NCK2: variants seen among roughly 807,000 people sequenced by gnomAD.
NCK2 encodes the protein NCK adaptor protein 2.
Under a neutral mutation model 33.9 loss-of-function variants are expected in NCK2, and 16 were observed. The observed-to-expected ratio is 0.47, with a 90% CI of 0.32 to 0.72. The LOEUF is 0.72. NCK2 is among the 30% of genes least tolerant of loss of function. The pLI, the probability that NCK2 is intolerant of heterozygous loss-of-function variation, is 0.03. For synonymous variants in NCK2, 273 were observed against 239.9 expected (o/e 1.14, Z -1.27); for missense variants, 418 against 537.3 (o/e 0.78, Z 2.19).
intron 3 of NCK2, among the ~76,000 whole-genome samples, chr2:105,861,199 A>T (rs1677516083): frequency 6.6e-6 from 1 of 152,206 alleles, no homozygotes; most frequent in Non-Finnish European, 1.5e-5. Flanking sequence ...ATGGAGTCTG[A>T]TTTTAGATTT....
chr2:105,810,338 G>A (rs1252955310), intron 1 of NCK2, among the ~76,000 whole-genome samples: 42 of 152,078 alleles, frequency 2.8e-4, no homozygotes, highest in Admixed American at 2.6e-3. Flanking sequence ...GAGAGCGAGC[G>A]AGCAAGCACA....
chr2:105,825,923 C>G (rs142608765), intron 2 of NCK2, among the ~76,000 whole-genome samples: 2,003 of 152,214 alleles, frequency 0.013, 43 homozygotes, highest in African/African-American at 0.045. Flanking sequence ...GTTCCTGGCT[C>G]CATTAGATCT....
intron 3 of NCK2, among the ~76,000 whole-genome samples, chr2:105,865,516 G>A (rs1055159347): frequency 2.6e-5 from 4 of 152,158 alleles, no homozygotes; most frequent in African/African-American, 7.2e-5. Flanking sequence ...CCACCCACAC[G>A]ACTGTTGAGG....
intron 2 of NCK2, among the ~76,000 whole-genome samples, chr2:105,827,372 C>G (rs1558857664): frequency 6.6e-6 from 1 of 152,142 alleles, no homozygotes; most frequent in Non-Finnish European, 1.5e-5. Flanking sequence ...GCTAGAACTA[C>G]AAGGAGAAAC....
chr2:105,746,860 T>C (rs1403162393), intron 1 of NCK2, among the ~76,000 whole-genome samples: 3 of 152,168 alleles, frequency 2.0e-5, no homozygotes, highest in Non-Finnish European at 4.4e-5. Context: ...GAGGCTGAAA[T>C]GGAGAACTTT....
rs67123338 is a variant in NCK2, at chr2:105,844,747, G to GATATATAT, written c.-16-10286_-16-10279dup. 3.1e-3 allele frequency among the ~76,000 whole-genome samples: 411 copies of GATATATAT among 133,588 alleles called. 4 individuals carry two copies. Among genetic ancestry groups the GATATATAT allele is most frequent in the African/African-American group, 9.4e-3 (326 of 34,782 alleles). 87.6% of individuals were successfully genotyped at this position (133,588 alleles called of 152,430 possible). A position where few individuals can be genotyped will look rare whatever the true frequency, so the allele number is the denominator to read the frequency against. Reference sequence around the variant, plus strand: ...AAGACTCTGTCTTGGGGCGGGGGGGGATATATATATATATATATATATGTA... The same window carrying GATATATAT: ...AAGACTCTGTCTTGGGGCGGGGGGGGATATATATATATATATATATATATATATATGTA... On this transcript the variant is annotated intron_variant, in intron 2 of 4. Transcript: ENST00000233154.
intron 1 of NCK2, among the ~76,000 whole-genome samples, chr2:105,807,836 TCTCTCC>T (rs1675135889): frequency 1.0e-4 from 1 of 9,970 alleles, no homozygotes; most frequent in Non-Finnish European, 1.8e-4. Context: ...CTCCCTTCTA[TCTCTCC>T]CTCCCTCCCT....
chr2:105,881,236 C>G (rs1479298607), intron 3 of NCK2, 92 bp from the exon 4 acceptor site: 2 of 1,485,854 alleles, frequency 1.3e-6, no homozygotes, highest in Non-Finnish European at 1.8e-6. Flanking sequence ...TGTATTTAAC[C>G]GCCAGAGAAA....
intron 2 of NCK2, among the ~76,000 whole-genome samples, chr2:105,845,220 T>TG (rs948266682): frequency 5.9e-5 from 9 of 152,312 alleles, no homozygotes; most frequent in African/African-American, 1.7e-4. Flanking sequence ...TTATGAGACC[T>TG]GGGTAGTGTG....
chr2:105,838,485 C>G (rs1676516601), intron 2 of NCK2, among the ~76,000 whole-genome samples: 1 of 151,834 alleles, frequency 6.6e-6, no homozygotes, highest in African/African-American at 2.4e-5. Context: ...TATGTATACT[C>G]CCTGTACTTT....
chr2:105,815,158 T>C (rs928368358), intron 1 of NCK2, among the ~76,000 whole-genome samples: 1 of 152,254 alleles, frequency 6.6e-6, no homozygotes, highest in Non-Finnish European at 1.5e-5. Context: ...TTTGAACTTC[T>C]TGCCCAAAGA....
chr2:105,834,452 G>T (rs1165545646), intron 2 of NCK2, among the ~76,000 whole-genome samples: 2 of 151,558 alleles, frequency 1.3e-5, no homozygotes, highest in Non-Finnish European at 2.9e-5. Context: ...TATTTTGTCT[G>T]GTATAAGTAT....
intron 2 of NCK2, among the ~76,000 whole-genome samples, chr2:105,820,220 G>A (rs928928010): frequency 7.2e-5 from 11 of 152,246 alleles, no homozygotes; most frequent in Admixed American, 2.0e-4. Context: ...AGGTCATTCA[G>A]ACAATACTGG....
chr2:105,874,434 G>T (rs550184903), intron 3 of NCK2, among the ~76,000 whole-genome samples: 30 of 152,308 alleles, frequency 2.0e-4, no homozygotes, highest in African/African-American at 7.0e-4. Context: ...AATAGGTTCT[G>T]ACTCTAGTGG....
intron 1 of NCK2, among the ~76,000 whole-genome samples, chr2:105,773,979 C>T (rs561274686): frequency 6.6e-6 from 1 of 151,540 alleles, no homozygotes; most frequent in South Asian, 2.1e-4. Context: ...TCTGGAAGTC[C>T]TCAGGTGGAA....
chr2:105,753,431 C>A (rs1689515944), intron 1 of NCK2, among the ~76,000 whole-genome samples: 1 of 152,238 alleles, frequency 6.6e-6, no homozygotes, highest in South Asian at 2.1e-4. Flanking sequence ...CACCAGCATT[C>A]CCTGGGGAGA....
chr2:105,782,086 C>T (rs1322930331), intron 1 of NCK2, among the ~76,000 whole-genome samples: 1 of 152,202 alleles, frequency 6.6e-6, no homozygotes, highest in African/African-American at 2.4e-5. Context: ...AGGTCCATTC[C>T]TTCCTTACTC....
intron 1 of NCK2, among the ~76,000 whole-genome samples, chr2:105,790,490 C>T (rs1230446112): frequency 1.3e-5 from 2 of 152,234 alleles, no homozygotes; most frequent in African/African-American, 2.4e-5. Flanking sequence ...GCCACCCCCG[C>T]CTGCCCCATT....
chr2:105,759,590 C>T lies in NCK2; in HGVS notation c.-201+14452C>T, dbSNP rs182057287. 5.9e-5 allele frequency among the ~76,000 whole-genome samples: 9 copies of T among 152,334 alleles called. No individual in the cohort carries two copies. In the East Asian group the frequency reaches 1.7e-3, roughly 29 times the overall value. On this transcript the variant is annotated intron_variant, in intron 1 of 4. Transcript: ENST00000233154. ...TGATATAAACTGTGTCTACTTTCCC[C>T]TGTGATTCACATCTTACGTTACTAT...
Sources: gnomAD v4.1 joint callset for allele counts (sites outside exome capture counted in the v4.1 genomes callset) on GRCh38, gnomAD v4.1.1 for gene constraint, MANE v1.5 for transcripts, NCBI Gene and HGNC (gene_info 2026-07-23, HGNC 2026-07-21) for gene names.